SOX6: variants seen among roughly 807,000 people sequenced by gnomAD.
The protein encoded by SOX6 is SRY-box transcription factor 6.
SOX6 carries 11 observed loss-of-function variants against 97.8 expected under a neutral mutation model. That is an observed-to-expected ratio of 0.11 (90% confidence interval 0.07 to 0.19). The LOEUF (loss-of-function observed/expected upper bound fraction) is 0.19. Ranked by LOEUF, SOX6 falls within the 10% of genes least tolerant of loss-of-function variation. The pLI, the probability that SOX6 is intolerant of heterozygous loss-of-function variation, is 1.00. For synonymous variants in SOX6, 360 were observed against 371.4 expected (o/e 0.97, Z 0.35); for missense variants, 810 against 1,039.5 (o/e 0.78, Z 3.04).
At chr11:15,993,632 T>C (rs1854126244) in intron 13 of SOX6, among the ~76,000 whole-genome samples, 1 of 152,186 alleles carries the variant, frequency 6.6e-6, no homozygotes, top group African/African-American at 2.4e-5. Context: ...GAGAGGCTGC[T>C]CTGTACAACT....
intron 3 of SOX6, among the ~76,000 whole-genome samples, chr11:16,701,818 C>A (rs1265889986): frequency 3.3e-5 from 5 of 151,194 alleles, no homozygotes; most frequent in Non-Finnish European, 7.4e-5. Flanking sequence ...GGTGTGAACC[C>A]AGGAGGCGGA....
chr11:16,474,919 A>G (rs1441924930), intron 1 of SOX6, among the ~76,000 whole-genome samples: 2 of 152,156 alleles, frequency 1.3e-5, no homozygotes, highest in Admixed American at 1.3e-4. Context: ...AGTCACCTTC[A>G]TCAATGGTCT....
intron 1 of SOX6, among the ~76,000 whole-genome samples, chr11:16,438,711 A>T (rs932044730): frequency 1.2e-4 from 18 of 151,930 alleles, no homozygotes; most frequent in African/African-American, 4.4e-4. Context: ...GTGAAAAAAA[A>T]AAAAGAAGAA....
At position 16,020,938 on chromosome 11, in the gene SOX6, A is replaced by G. The variant is rs555572000; in HGVS notation, c.1624-5888T>C. Among the ~76,000 whole-genome samples the G allele has an allele frequency of 2.6e-5, 4 of 152,292 alleles. No homozygotes were observed. In the South Asian group the frequency reaches 8.3e-4, roughly 32 times the overall value. On this transcript the variant is annotated intron_variant, in intron 12 of 15. Coordinates refer to ENST00000683767, the MANE Select transcript of SOX6 (RefSeq NM_001367873.1). ...CCACATAACTAATCTAGCCACATAA[A>G]TCAAAAACATGCTGCACAAGTATCT...
chr11:16,226,907 C>CT (rs1273121435), intron 4 of SOX6, among the ~76,000 whole-genome samples: 1 of 152,132 alleles, frequency 6.6e-6, no homozygotes. Context: ...AGCCCATAAT[C>CT]TATCTTTTTC....
At chr11:15,979,042 C>T (rs34376554) in intron 15 of SOX6, among the ~76,000 whole-genome samples, 16 of 107,082 alleles carry the variant, frequency 1.5e-4, no homozygotes, top group South Asian at 3.0e-4. Context: ...ATATATTTTA[C>T]ATATATATAT....
At chr11:16,057,597 A>G (rs1035533848) in intron 9 of SOX6, among the ~76,000 whole-genome samples, 3 of 152,156 alleles carry the variant, frequency 2.0e-5, no homozygotes, top group Non-Finnish European at 4.4e-5. Flanking sequence ...TGGCACTTGT[A>G]ATTCCTTTTG....
At chr11:16,167,526 C>A (rs772021550) in intron 6 of SOX6, among the ~76,000 whole-genome samples, 1 of 152,124 alleles carries the variant, frequency 6.6e-6, no homozygotes, top group Non-Finnish European at 1.5e-5. Flanking sequence ...GTCCTTACAA[C>A]GATGTAAAAG....
chr11:16,339,721 T>C (rs368388289), intron 2 of SOX6, among the ~76,000 whole-genome samples: 1 of 152,066 alleles, frequency 6.6e-6, no homozygotes, highest in South Asian at 2.1e-4. Flanking sequence ...CAGCACCTAA[T>C]AGAATGCTTG....
intron 2 of SOX6, among the ~76,000 whole-genome samples, chr11:16,324,264 A>G (rs924921774): frequency 6.6e-6 from 1 of 152,142 alleles, no homozygotes; most frequent in Non-Finnish European, 1.5e-5. Flanking sequence ...AGGATTGCTT[A>G]AGCTAAACAT....
chr11:16,192,815 C>A (rs534607799), intron 4 of SOX6, among the ~76,000 whole-genome samples: 1 of 152,018 alleles, frequency 6.6e-6, no homozygotes, highest in African/African-American at 2.4e-5. Context: ...AAAGTTAGCA[C>A]TACAGTCTGC....
intron 1 of SOX6, among the ~76,000 whole-genome samples, chr11:16,437,839 T>C (rs1859413400): frequency 6.6e-6 from 1 of 152,236 alleles, no homozygotes; most frequent in East Asian, 1.9e-4. Flanking sequence ...GAGTTGCTTA[T>C]AGTTTCACAT....
At chr11:16,622,952 C>T (rs181603711) in intron 3 of SOX6, among the ~76,000 whole-genome samples, 12 of 152,162 alleles carry the variant, frequency 7.9e-5, no homozygotes, top group African/African-American at 1.9e-4. Context: ...TTTCTGATTA[C>T]GGCCATTCCT....
At chr11:16,598,015 A>G (rs1389724744) in intron 4 of SOX6, among the ~76,000 whole-genome samples, 2 of 152,092 alleles carry the variant, frequency 1.3e-5, no homozygotes, top group Non-Finnish European at 2.9e-5. Context: ...CAAAGATTAC[A>G]TAGCAATTAT....
chr11:16,186,913 G>A lies in SOX6; in HGVS notation c.578C>T (p.Thr193Ile), dbSNP rs765793544. 9 of 1,613,868 alleles carry A rather than the reference G, an allele frequency of 5.6e-6. No individual in the cohort carries two copies. Among genetic ancestry groups the A allele is most frequent in the Non-Finnish European group, 6.8e-6 (8 of 1,179,840 alleles). The change falls in exon 5 of 16, where the codon ACC (threonine) becomes ATC (isoleucine). Residue 193 changes from threonine (T) to isoleucine (I), a missense_variant. By Grantham distance (89) the Thr-to-Ile change is moderately conservative (BLOSUM62 -1). Coordinates refer to ENST00000683767, the MANE Select transcript of SOX6 (RefSeq NM_001367873.1). ...SLAEKERQLS[T>I]MITQLISLRE... ...TAAACTGATCAGCTGGGTAATCATG[G>A]TGGAGAGCTGCCGTTCTTTTTCTGC...
chr11:16,097,645 A>T lies in SOX6; in HGVS notation c.942T>A (p.Ala314=), dbSNP rs760921021. 5.6e-5 allele frequency: 91 copies of T among 1,611,132 alleles called. No individual in the cohort carries two copies. The highest frequency in any genetic ancestry group is 7.3e-5 in the Non-Finnish European group (86 of 1,178,052). The part of the protein sequence containing the change: ...PVQFIPSTMA[A]AAASGLSPLQ... ...AAGGGCTGAGTCCAGAAGCAGCAGC[A>T]GCTGCCATTGTTGATGGAATGAACT... The change falls in exon 8 of 16, where the codon GCT becomes GCA. Residue 314 remains alanine (A), a synonymous_variant. Transcript: ENST00000683767.
At chr11:16,654,122 T>C (rs1317230894) in intron 3 of SOX6, among the ~76,000 whole-genome samples, 3 of 152,196 alleles carry the variant, frequency 2.0e-5, no homozygotes, top group Non-Finnish European at 4.4e-5. Context: ...TAATAAGTGA[T>C]TTTGAGTTTG....
intron 13 of SOX6, among the ~76,000 whole-genome samples, chr11:16,009,621 C>G (rs1161831619): frequency 1.3e-5 from 2 of 152,072 alleles, no homozygotes; most frequent in Non-Finnish European, 2.9e-5. Context: ...TTCAGACTCT[C>G]AGAGGCATTT....
Position 16,026,774 on chromosome 11 carries a change from G to A in SOX6, c.1624-11724C>T, listed in dbSNP as rs148326241. The stretch of plus-strand genomic sequence containing the variant: ...AGGACTATGTCTGATTGTGGAAGAA[G>A]CTTTTCTTAAGATGAAGTAAAATTA... On this transcript the variant is annotated intron_variant, in intron 12 of 15. Transcript: ENST00000683767. Among the ~76,000 whole-genome samples, 186 of 152,218 alleles carry A rather than the reference G, an allele frequency of 1.2e-3. 1 individual carries two copies. Among genetic ancestry groups the A allele is most frequent in the African/African-American group, 4.3e-3 (177 of 41,538 alleles).
Sources: allele counts gnomAD v4.1 joint callset (sites outside exome capture counted in the v4.1 genomes callset), GRCh38; gene constraint gnomAD v4.1.1; transcripts MANE v1.5; gene names NCBI Gene and HGNC (gene_info 2026-07-23, HGNC 2026-07-21).